Variants in CCND3 observed in about 807,000 individuals in gnomAD.
CCND3 encodes the protein cyclin D3, also known as G1/S-specific cyclin-D3.
A neutral mutation model predicts 28.7 loss-of-function variants in CCND3; 9 were observed. That is an observed-to-expected ratio of 0.31 (90% CI 0.19 to 0.55). CCND3 has a LOEUF of 0.55. Ranked by LOEUF, CCND3 falls within the 20% of genes least tolerant of loss-of-function variation. The probability of loss-of-function intolerance (pLI) is 0.93; values close to 1 mark genes in which losing one functional copy is unlikely to be tolerated. For synonymous variants in CCND3, 164 were observed against 163.9 expected, an observed-to-expected ratio of 1.00 and a Z score of 0.00; for missense variants, 315 against 385.8, an observed-to-expected ratio of 0.82 and a Z score of 1.54.
intron 1 of CCND3, among the ~76,000 whole-genome samples, chr6:41,962,531 C>T (rs780760804): frequency 7.9e-5 from 12 of 152,122 alleles, no homozygotes; most frequent in Non-Finnish European, 1.5e-4. Context: ...ACAGGAGGAT[C>T]GCTTGAGGCC....
chr6:41,973,754 T>C (rs998768295), intron 1 of CCND3, among the ~76,000 whole-genome samples: 1 of 152,236 alleles, frequency 6.6e-6, no homozygotes, highest in Non-Finnish European at 1.5e-5. Flanking sequence ...TCGGTCACTT[T>C]CTAATAGCTG....
chr6:41,944,438 TTTTC>T (rs1270590437), upstream of CCND3, among the ~76,000 whole-genome samples: 6 of 152,254 alleles, frequency 3.9e-5, no homozygotes, highest in South Asian at 1.2e-3. Context: ...TGTTTTTTGG[TTTTC>T]TTTGTTTTTT....
At chr6:42,024,775 G>A (rs1763822897) in intron 1 of CCND3, among the ~76,000 whole-genome samples, 3 of 152,004 alleles carry the variant, frequency 2.0e-5, no homozygotes, top group Non-Finnish European at 2.9e-5. Context: ...ACAAAATTAA[G>A]GGGCCGGGCG....
chr6:42,001,112 G>T (rs1218173962), intron 1 of CCND3, among the ~76,000 whole-genome samples: 1 of 151,034 alleles, frequency 6.6e-6, no homozygotes, highest in Non-Finnish European at 1.5e-5. Flanking sequence ...TGGTGCATCT[G>T]TAGTCCCAGC....
At chr6:42,037,925 G>A (rs1160570071) in intron 1 of CCND3, among the ~76,000 whole-genome samples, 1 of 151,530 alleles carries the variant, frequency 6.6e-6, no homozygotes, top group African/African-American at 2.4e-5. Flanking sequence ...CAGCTACTCA[G>A]GAGGCTGAGG....
Position 41,941,725 on chromosome 6 carries a change from G to C in CCND3, c.-76C>G. On this transcript the variant is annotated 5_prime_UTR_variant, in exon 1 of 5. Transcript: ENST00000372991. This position sits in a 1 kb window ranked among gnomAD's most constrained non-coding sequence, Gnocchi z 6.1. ...GCAGGCGACGGGCCGGAGAGCGCGG[G>C]GCGCGGGTCTGGCGCTGGCGCTGGC... 3.6e-6 allele frequency: 4 copies of C among 1,120,686 alleles called. No homozygotes were observed. Among genetic ancestry groups the C allele is most frequent in the Non-Finnish European group, 4.6e-6 (4 of 869,182 alleles). 69.4% of individuals were successfully genotyped at this position (1,120,686 alleles called of 1,614,324 possible). A position where few individuals can be genotyped will look rare whatever the true frequency, so the allele number is the denominator to read the frequency against.
intron 1 of CCND3, among the ~76,000 whole-genome samples, chr6:41,978,795 C>A (rs1421753759): frequency 6.6e-6 from 1 of 152,116 alleles, no homozygotes; most frequent in Non-Finnish European, 1.5e-5. Context: ...AAAATCCTTT[C>A]TTTAAAAATG....
intron 1 of CCND3, among the ~76,000 whole-genome samples, chr6:42,041,552 C>T (rs749116503): frequency 2.6e-5 from 4 of 152,162 alleles, no homozygotes; most frequent in Admixed American, 6.5e-5. Flanking sequence ...TAGCAGACAC[C>T]GCTTACAGAA....
rs547113281 is a variant in CCND3, at chr6:41,969,741, C to A, written c.-45-29156G>T. On this transcript the variant is annotated intron_variant, in intron 1 of 4. Transcript: ENST00000372988. The stretch of plus-strand genomic sequence containing the variant: ...CCGAGTGAGACTCCATCTCAAAAAA[C>A]AAACAAACAAACAAAAAAAGCAAAA... Among the ~76,000 whole-genome samples, 15 of 152,052 alleles carry A rather than the reference C, an allele frequency of 9.9e-5. No homozygotes were observed. The East Asian group carries it at 2.9e-3, about 29-fold the overall frequency.
chr6:41,945,654 G>A (rs1004957022), upstream of CCND3, among the ~76,000 whole-genome samples: 2 of 152,220 alleles, frequency 1.3e-5, no homozygotes, highest in African/African-American at 4.8e-5. Flanking sequence ...GAGCCATGGG[G>A]CTGAGAACAG....
chr6:41,979,169 C>G (rs1218196457), intron 1 of CCND3, among the ~76,000 whole-genome samples: 1 of 7,096 alleles, frequency 1.4e-4, no homozygotes, highest in Non-Finnish European at 3.0e-4. Context: ...AAAACTCTGT[C>G]TCAAAAAAAA....
intron 1 of CCND3, among the ~76,000 whole-genome samples, chr6:41,972,872 T>C (rs1169359407): frequency 6.7e-6 from 1 of 149,530 alleles, no homozygotes; most frequent in African/African-American, 2.4e-5. Context: ...TACATATATA[T>C]ATATATATTT....
intron 1 of CCND3, among the ~76,000 whole-genome samples, chr6:41,969,118 G>T (rs2127407231): frequency 6.6e-6 from 1 of 152,144 alleles, no homozygotes; most frequent in African/African-American, 2.4e-5. Flanking sequence ...TTTAAAGACG[G>T]CTCCCCAGAT....
chr6:41,952,437 G>A (rs916851340), intron 1 of CCND3, among the ~76,000 whole-genome samples: 5 of 152,204 alleles, frequency 3.3e-5, no homozygotes, highest in African/African-American at 7.2e-5. Context: ...TCAAAAGTGC[G>A]TGCTTGACAG....
chr6:41,956,417 C>T (rs538354526), intron 1 of CCND3, among the ~76,000 whole-genome samples: 5 of 152,324 alleles, frequency 3.3e-5, no homozygotes, highest in Admixed American at 1.3e-4. Flanking sequence ...GTGCTGGCTC[C>T]GCCTCCATTA....
intron 1 of CCND3, among the ~76,000 whole-genome samples, chr6:41,978,622 G>A (rs1320691981): frequency 1.3e-5 from 2 of 152,056 alleles, no homozygotes; most frequent in African/African-American, 4.8e-5. Context: ...ACATGGGTGG[G>A]GAGGTGTTGG....
intron 1 of CCND3, among the ~76,000 whole-genome samples, chr6:42,009,788 T>C (rs1206635293): frequency 1.3e-5 from 2 of 151,900 alleles, no homozygotes; most frequent in East Asian, 1.9e-4. Context: ...GCCTAGGTGA[T>C]AGAGCGAGAC....
chr6:41,988,699 C>CTTT (rs758582662), intron 1 of CCND3, among the ~76,000 whole-genome samples: 56,111 of 95,038 alleles, frequency 0.59, 12,588 homozygotes, highest in South Asian at 0.66. Flanking sequence ...AACTTCTTTT[C>CTTT]TTTTTTTTTT....
chr6:42,029,837 C>CA (rs34732029), intron 1 of CCND3, among the ~76,000 whole-genome samples: 23,553 of 118,092 alleles, frequency 0.2, 2,362 homozygotes, highest in East Asian at 0.56. Flanking sequence ...AACTCTGTCT[C>CA]AAAAAAAAAA....
Sources: gnomAD v4.1 joint callset for allele counts (sites outside exome capture counted in the v4.1 genomes callset) on GRCh38, gnomAD v4.1.1 for gene constraint, Gnocchi (gnomAD v3.1) non-coding constraint, MANE v1.5 for transcripts, NCBI Gene and HGNC (gene_info 2026-07-23, HGNC 2026-07-21) for gene names.